The following VPS13B variants were observed in gnomAD, a reference collection of about 807,000 sequenced individuals.
VPS13B encodes intermembrane lipid transfer protein VPS13B.
In VPS13B, 285 loss-of-function variants were observed where a neutral mutation model predicts 426.4. The ratio of observed to expected loss-of-function variants is 0.67; its 90% CI spans 0.61 to 0.74. The LOEUF (loss-of-function observed/expected upper bound fraction) is 0.74, where lower values mean the gene tolerates loss of function less well. Among genes scored for constraint, VPS13B ranks in the 30% least tolerant of loss-of-function variants. VPS13B has a pLI of 0.00. For synonymous variants in VPS13B, 1,676 were observed against 1,676.4 expected, an observed-to-expected ratio of 1.00 and a Z score of 0.01; for missense variants, 4,537 against 4,782.6, an observed-to-expected ratio of 0.95 and a Z score of 1.51.
At chr8:99,722,298 A>T (rs1488735858) in intron 39 of VPS13B, among the ~76,000 whole-genome samples, 1 of 152,158 alleles carries the variant, frequency 6.6e-6, no homozygotes, top group Non-Finnish European at 1.5e-5. Context: ...TCTTACTGCT[A>T]GTCCTAATTA....
intron 17 of VPS13B, among the ~76,000 whole-genome samples, chr8:99,225,233 C>A (rs1311066134): frequency 6.6e-6 from 1 of 152,118 alleles, no homozygotes; most frequent in Non-Finnish European, 1.5e-5. Context: ...GCCAAGGTAT[C>A]TAAAACTCAC....
intron 2 of VPS13B, among the ~76,000 whole-genome samples, chr8:99,022,205 T>G (rs1251250107): frequency 6.6e-6 from 1 of 151,708 alleles, no homozygotes; most frequent in Non-Finnish European, 1.5e-5. Flanking sequence ...GTTGGAAACT[T>G]AAGTCATTGC....
In VPS13B at chr8:99,458,359, A is replaced by G. The variant is rs560580712; in HGVS notation, c.3446-9055A>G. 7.4e-5 allele frequency among the ~76,000 whole-genome samples: 11 copies of G among 149,056 alleles called. No homozygotes were observed. The South Asian group carries it at 1.0e-3, about 14-fold the overall frequency. ...TGGTTCCAAGTCTTTGCTATTGCGAATAGTGCCGCTATAAACATACGTGTG... is the reference window on the plus strand; with the variant it reads ...TGGTTCCAAGTCTTTGCTATTGCGAGTAGTGCCGCTATAAACATACGTGTG... On this transcript the variant is annotated intron_variant, in intron 23 of 61. Transcript: ENST00000357162.
At chr8:99,373,367 T>C (rs1053672007) in intron 19 of VPS13B, among the ~76,000 whole-genome samples, 1 of 150,876 alleles carries the variant, frequency 6.6e-6, no homozygotes, top group Non-Finnish European at 1.5e-5. Flanking sequence ...AGCTTTTCAT[T>C]GTCAAAGCTG....
chr8:99,823,061 ATCT>A (rs1399078637), intron 50 of VPS13B, among the ~76,000 whole-genome samples: 6 of 152,200 alleles, frequency 3.9e-5, no homozygotes. Flanking sequence ...AGCAAGAAAC[ATCT>A]TCTCTGAGCA....
chr8:99,699,398 T>A, intron 35 of VPS13B, 127 bp from the exon 36 acceptor site: 1 of 983,478 alleles, frequency 1.0e-6, no homozygotes, highest in Non-Finnish European at 1.5e-6. Flanking sequence ...TATATCATGT[T>A]CAGGCATCCT....
At chr8:99,058,323 C>G (rs963847893) in intron 3 of VPS13B, among the ~76,000 whole-genome samples, 1 of 150,816 alleles carries the variant, frequency 6.6e-6, no homozygotes, top group Non-Finnish European at 1.5e-5. Flanking sequence ...GAAAATATAG[C>G]TATTTTTCAT....
chr8:99,200,739 G>C (rs964160165), intron 17 of VPS13B, among the ~76,000 whole-genome samples: 50 of 151,960 alleles, frequency 3.3e-4, no homozygotes, highest in Non-Finnish European at 8.8e-5. Flanking sequence ...TTTAAGATCT[G>C]CCTCTTTTTC....
intron 23 of VPS13B, among the ~76,000 whole-genome samples, chr8:99,452,923 G>C (rs1331462774): frequency 6.6e-6 from 1 of 152,200 alleles, no homozygotes; most frequent in Non-Finnish European, 1.5e-5. Flanking sequence ...CCTTGCAGAT[G>C]TAATTTGCTA....
At chr8:99,215,526 A>G (rs1366883136) in intron 17 of VPS13B, among the ~76,000 whole-genome samples, 1 of 152,184 alleles carries the variant, frequency 6.6e-6, no homozygotes, top group Non-Finnish European at 1.5e-5. Flanking sequence ...GTAAGGATAC[A>G]TACTTGGGTC....
intron 16 of VPS13B, among the ~76,000 whole-genome samples, chr8:99,192,286 C>T (rs1355321861): frequency 6.6e-6 from 1 of 152,210 alleles, no homozygotes; most frequent in East Asian, 1.9e-4. Context: ...AAGTAGAGTC[C>T]TGCATGTAAT....
intron 43 of VPS13B, among the ~76,000 whole-genome samples, chr8:99,790,806 C>T (rs1303146675): frequency 6.6e-6 from 1 of 152,078 alleles, no homozygotes; most frequent in African/African-American, 2.4e-5. Flanking sequence ...GCTAAGAGGA[C>T]CAACATGTGT....
At chr8:99,166,136 C>G (rs1169775327) in intron 15 of VPS13B, among the ~76,000 whole-genome samples, 1 of 152,108 alleles carries the variant, frequency 6.6e-6, no homozygotes, top group African/African-American at 2.4e-5. Context: ...CGTGCCACCA[C>G]TCCTGGCTAA....
intron 1 of VPS13B, among the ~76,000 whole-genome samples, 189 bp downstream of exon 1, chr8:99,013,536 C>G (rs111375394): frequency 8.5e-5 from 13 of 152,192 alleles, no homozygotes; most frequent in Non-Finnish European, 1.5e-4. Flanking sequence ...GGGACCCGCT[C>G]TCTTCTGGTC....
At chr8:99,442,251 T>C in intron 22 of VPS13B, 150 bp from the exon 23 acceptor site, 1 of 696,714 alleles carries the variant, frequency 1.4e-6, no homozygotes, top group Non-Finnish European at 2.4e-6. Flanking sequence ...CCTTTTCAAG[T>C]TTTTAAAATA....
chr8:99,722,952 CAT>C (rs1238057063), intron 39 of VPS13B, among the ~76,000 whole-genome samples: 1 of 152,140 alleles, frequency 6.6e-6, no homozygotes, highest in Non-Finnish European at 1.5e-5. Flanking sequence ...CATTTATTAA[CAT>C]AAGTGTAATA....
chr8:99,620,392 G>T (rs1011911908), intron 33 of VPS13B, among the ~76,000 whole-genome samples: 26 of 152,052 alleles, frequency 1.7e-4, no homozygotes, highest in Admixed American at 1.4e-3. Context: ...AAACTCCTTG[G>T]CCTTAACTTT....
chr8:99,231,995 A>G (rs940620909), intron 17 of VPS13B, among the ~76,000 whole-genome samples: 1 of 152,198 alleles, frequency 6.6e-6, no homozygotes, highest in African/African-American at 2.4e-5. Context: ...ATGCTAGGAC[A>G]AGTACCATTG....
At chr8:99,552,977 G>A (rs923856368) in intron 30 of VPS13B, among the ~76,000 whole-genome samples, 1 of 152,106 alleles carries the variant, frequency 6.6e-6, no homozygotes. Context: ...ACAGAGGTCC[G>A]TAGAAGGGCT....
Sources: gnomAD v4.1 joint callset for allele counts (sites outside exome capture counted in the v4.1 genomes callset) on GRCh38, gnomAD v4.1.1 for gene constraint, MANE v1.5 for transcripts, NCBI Gene and HGNC (gene_info 2026-07-23, HGNC 2026-07-21) for gene names.